The following BABAM2 variants were observed in gnomAD, a reference collection of about 807,000 sequenced individuals.
BABAM2 encodes the protein BRISC and BRCA1-A complex member 2.
Under a neutral mutation model 54.7 loss-of-function variants are expected in BABAM2, and 31 were observed. That is an observed-to-expected ratio of 0.57 (90% CI 0.43 to 0.77). The LOEUF (loss-of-function observed/expected upper bound fraction) is 0.77, where lower values mean the gene tolerates loss of function less well. Ranked by LOEUF, BABAM2 falls within the 30% of genes least tolerant of loss-of-function variation. BABAM2 has a pLI of 0.00. For missense variants in BABAM2, 364 were observed against 455.8 expected, an observed-to-expected ratio of 0.80 and a Z score of 1.83; for synonymous variants, 167 against 162.9, an observed-to-expected ratio of 1.03 and a Z score of -0.19.
intron 11 of BABAM2, among the ~76,000 whole-genome samples, chr2:28,315,427 TTTTCTTTTCTTTTC>T (rs1689454866): frequency 6.3e-5 from 1 of 15,798 alleles, no homozygotes; most frequent in African/African-American, 2.1e-4. Flanking sequence ...TTCTTTTTTC[TTTTCTTTTCTTTTC>T]TTTTCTTTTC....
chr2:28,026,775 A>T (rs1409858187), intron 5 of BABAM2, among the ~76,000 whole-genome samples: 2 of 99,806 alleles, frequency 2.0e-5, no homozygotes, highest in South Asian at 2.4e-4. Context: ...ATAAATATAT[A>T]AAAAAATATA....
chr2:27,940,673 T>C (rs1281674394), intron 3 of BABAM2, among the ~76,000 whole-genome samples: 4 of 148,216 alleles, frequency 2.7e-5, no homozygotes, highest in East Asian at 3.9e-4. Flanking sequence ...GTTTAAACAA[T>C]TTATTTTAAT....
intron 10 of BABAM2, among the ~76,000 whole-genome samples, chr2:28,247,249 C>T (rs17006634): frequency 0.17 from 25,645 of 152,196 alleles, 2,281 homozygotes; most frequent in African/African-American, 0.18. Context: ...AGATAAGACC[C>T]TGCCTGTGAA....
chr2:28,019,941 T>G (rs758427015), intron 4 of BABAM2, among the ~76,000 whole-genome samples: 6 of 152,194 alleles, frequency 3.9e-5, no homozygotes, highest in Non-Finnish European at 8.8e-5. Context: ...GCCTCCAGAT[T>G]TGTTCTTTTT....
At chr2:28,044,149 T>C (rs962279547) in intron 5 of BABAM2, among the ~76,000 whole-genome samples, 1 of 152,146 alleles carries the variant, frequency 6.6e-6, no homozygotes, top group African/African-American at 2.4e-5. Context: ...CAGATATTAG[T>C]TATTATTATT....
chr2:28,111,612 G>A (rs921911633), intron 6 of BABAM2, among the ~76,000 whole-genome samples: 3 of 152,262 alleles, frequency 2.0e-5, no homozygotes, highest in African/African-American at 7.2e-5. Flanking sequence ...GTTCATCTGT[G>A]TTCTCCTGTT....
chr2:28,253,874 A>C (rs543764421), intron 10 of BABAM2, among the ~76,000 whole-genome samples: 2 of 152,192 alleles, frequency 1.3e-5, no homozygotes, highest in African/African-American at 2.4e-5. Context: ...TGGAGGTGAC[A>C]GGTTGTTCAC....
intron 6 of BABAM2, among the ~76,000 whole-genome samples, chr2:28,061,530 A>G (rs1678866629): frequency 6.8e-6 from 1 of 146,296 alleles, no homozygotes; most frequent in South Asian, 2.2e-4. Flanking sequence ...GCTTGCACTG[A>G]GCTGAGATTG....
At position 28,076,477 on chromosome 2, in the gene BABAM2, T is replaced by G. The variant is rs6740392; in HGVS notation, c.570+30678T>G. 9.5e-3 allele frequency among the ~76,000 whole-genome samples: 1,414 copies of G among 148,280 alleles called. 10 individuals are homozygous for G. The highest frequency in any genetic ancestry group is 0.015 in the African/African-American group (596 of 39,598). On this transcript the variant is annotated intron_variant, in intron 6 of 11. Coordinates refer to ENST00000379624, the MANE Select transcript of BABAM2 (RefSeq NM_199191.3). The stretch of plus-strand genomic sequence containing the variant: ...TATTTTATATTTATTTATTTATTTA[T>G]TTATTTAGTTAGTTAGTTAGTTAGT...
At chr2:28,301,856 A>G (rs1688129963) in intron 11 of BABAM2, among the ~76,000 whole-genome samples, 2 of 152,184 alleles carry the variant, frequency 1.3e-5, no homozygotes, top group Non-Finnish European at 1.5e-5. Context: ...ATGGCTTTGC[A>G]TATATATCTT....
intron 7 of BABAM2, among the ~76,000 whole-genome samples, chr2:28,178,855 G>C (rs921316728): frequency 6.6e-6 from 1 of 151,946 alleles, no homozygotes; most frequent in African/African-American, 2.4e-5. Context: ...ATTCTATTAT[G>C]AGCAACTATA....
At position 28,026,815 on chromosome 2, in the gene BABAM2, TATATATTTATATATATAAATATATATAA is replaced by T. The variant is rs1675730542; in HGVS notation, c.495+1402_495+1429del. Among the ~76,000 whole-genome samples the T allele has an allele frequency of 7.2e-5, 6 of 82,998 alleles. No homozygotes were observed. In the Admixed American group the frequency reaches 7.4e-4, roughly 10 times the overall value. The allele number at this position is 82,998 out of a possible 152,430, so 54.4% of individuals were successfully genotyped here. On this transcript the variant is annotated intron_variant, in intron 5 of 11. Transcript: ENST00000379624. ...TATATTTATATAAAAAATATATAAA[TATATATTTATATATATAAATATATATAA>T]ATATATATTTATATATATAGATATA...
intron 8 of BABAM2, among the ~76,000 whole-genome samples, chr2:28,240,951 T>C (rs1370507721): frequency 6.6e-6 from 1 of 152,020 alleles, no homozygotes; most frequent in Non-Finnish European, 1.5e-5. Context: ...TTGGGGACAA[T>C]TAGGAAATTT....
At position 28,149,631 on chromosome 2, in the gene BABAM2, C is replaced by G. The variant is rs1419184085; in HGVS notation, c.680+20251C>G. On this transcript the variant is annotated intron_variant, in intron 7 of 11. Transcript: ENST00000379624. Reference sequence around the variant, plus strand: ...TTCCAGGGCCCGGTTTTCCTGCGCTCTTTCCACCGTATCACTCCACACGCC... The same window carrying G: ...TTCCAGGGCCCGGTTTTCCTGCGCTGTTTCCACCGTATCACTCCACACGCC... Among the ~76,000 whole-genome samples, 3 of 152,196 alleles carry G rather than the reference C, an allele frequency of 2.0e-5. No individual in the cohort carries two copies. In the East Asian group the frequency reaches 5.8e-4, roughly 29 times the overall value.
At chr2:28,302,838 G>A (rs1351733019) in intron 11 of BABAM2, among the ~76,000 whole-genome samples, 2 of 152,156 alleles carry the variant, frequency 1.3e-5, no homozygotes, top group Non-Finnish European at 2.9e-5. Flanking sequence ...ATGATGTTGA[G>A]CATCTTGGCA....
At chr2:28,103,261 A>G (rs534499542) in intron 6 of BABAM2, among the ~76,000 whole-genome samples, 114 of 152,128 alleles carry the variant, frequency 7.5e-4, no homozygotes, top group African/African-American at 2.7e-3. Context: ...CCTACTTTGT[A>G]TTGTGAGCTG....
intron 7 of BABAM2, among the ~76,000 whole-genome samples, chr2:28,220,708 T>C (rs1296816642): frequency 6.6e-6 from 1 of 152,146 alleles, no homozygotes; most frequent in East Asian, 1.9e-4. Flanking sequence ...GCAGGCAGTC[T>C]GCTTAATCCC....
At chr2:28,271,074 G>A (rs1685387172) in intron 10 of BABAM2, among the ~76,000 whole-genome samples, 1 of 152,132 alleles carries the variant, frequency 6.6e-6, no homozygotes. Flanking sequence ...GTCTTATTTG[G>A]TTCTTCCCAG....
chr2:28,004,004 A>G (rs1673765206), intron 4 of BABAM2, among the ~76,000 whole-genome samples: 1 of 152,046 alleles, frequency 6.6e-6, no homozygotes, highest in South Asian at 2.1e-4. Context: ...TGCTTAATGA[A>G]GTCTTTAGGA....
Sources: allele counts gnomAD v4.1 joint callset (sites outside exome capture counted in the v4.1 genomes callset), GRCh38; gene constraint gnomAD v4.1.1; transcripts MANE v1.5; gene names NCBI Gene and HGNC (gene_info 2026-07-23, HGNC 2026-07-21).